CAMSAP1: variants seen among roughly 807,000 people sequenced by gnomAD.
CAMSAP1 encodes the protein calmodulin regulated spectrin associated protein 1, also known as calmodulin-regulated spectrin-associated protein 1.
Under a neutral mutation model 143.5 loss-of-function variants are expected in CAMSAP1, and 58 were observed. The observed-to-expected ratio is 0.40, with a 90% CI of 0.33 to 0.50. The LOEUF (loss-of-function observed/expected upper bound fraction) is 0.50, where lower values mean the gene tolerates loss of function less well. Among genes scored for constraint, CAMSAP1 ranks in the 20% least tolerant of loss-of-function variants. The pLI, the probability that CAMSAP1 is intolerant of heterozygous loss-of-function variation, is 0.45. For synonymous variants in CAMSAP1, 945 were observed against 859.3 expected (o/e 1.10, Z -1.74); for missense variants, 1,969 against 2,115.7 (o/e 0.93, Z 1.36).
intron 1 of CAMSAP1, among the ~76,000 whole-genome samples, chr9:135,894,005 C>A (rs1446537349): frequency 6.6e-6 from 1 of 152,162 alleles, no homozygotes; most frequent in Non-Finnish European, 1.5e-5. Flanking sequence ...GACCCCCCAC[C>A]CAACGGGAGG....
At position 135,822,714 on chromosome 9, in the gene CAMSAP1, A is replaced by G; in HGVS notation, c.1947T>C (p.Thr649=). 2.5e-6 allele frequency: 4 copies of G among 1,611,198 alleles called. No homozygotes were observed. Among genetic ancestry groups the G allele is most frequent in the Non-Finnish European group, 2.5e-6 (3 of 1,178,338 alleles). Residue 649 remains threonine, a synonymous_variant, in exon 11 of 17, where the codon ACT becomes ACC. Coordinates refer to ENST00000389532, the MANE Select transcript of CAMSAP1 (RefSeq NM_015447.4). This position sits in a 1 kb window ranked among gnomAD's most constrained non-coding sequence, Gnocchi z 6.1. ...KMTGSRDLNR[T]FTPIPCSEFP... Reference sequence around the variant, plus strand: ...ATTCTGAGCATGGAATCGGGGTAAAAGTCCTATTCAAGTCGCGACTGCCAG... The same window carrying G: ...ATTCTGAGCATGGAATCGGGGTAAAGGTCCTATTCAAGTCGCGACTGCCAG...
At position 135,837,960 on chromosome 9, in the gene CAMSAP1, C is replaced by A. The variant is rs572874137; in HGVS notation, c.1046-10376G>T. Among the ~76,000 whole-genome samples the A allele has an allele frequency of 1.7e-4, 25 of 148,906 alleles. 1 individual carries two copies. In the South Asian group the frequency reaches 5.4e-3, roughly 32 times the overall value. The stretch of plus-strand genomic sequence containing the variant: ...ACACACATCATCACACGCTTTCTAC[C>A]CCTTCTACAGACACACATCATCACA... On this transcript the variant is annotated intron_variant, in intron 7 of 16. Coordinates refer to ENST00000389532, the MANE Select transcript of CAMSAP1 (RefSeq NM_015447.4).
chr9:135,890,795 GGTCA>G (rs1838267456), intron 1 of CAMSAP1, among the ~76,000 whole-genome samples: 1 of 152,156 alleles, frequency 6.6e-6, no homozygotes, highest in Non-Finnish European at 1.5e-5. Flanking sequence ...CACATACAAT[GGTCA>G]GTTAAGCAAA....
rs148250832 is a variant in CAMSAP1, at chr9:135,823,953, G to T, written c.1397C>A (p.Thr466Asn). 154 of 1,519,498 alleles carry T rather than the reference G, an allele frequency of 1.0e-4. No homozygotes were observed. The African/African-American group carries it at 1.6e-3, about 16-fold the overall frequency. 94.1% of individuals were successfully genotyped at this position (1,519,498 alleles called of 1,614,324 possible). Residue 466 changes from threonine to asparagine, a missense_variant, in exon 10 of 17, where the codon ACC becomes AAC. Physicochemically the swap from Thr to Asn is moderately conservative, Grantham distance 65. Coordinates refer to ENST00000389532, the MANE Select transcript of CAMSAP1 (RefSeq NM_015447.4). ...CACTGCTGAAACACAGACTCACCTG[G>T]TTTTTTTTTCTGGCCAGGCTATTGC... is the stretch of plus-strand genomic sequence containing the variant. ...GAAIAWPEKK[T>N]RPASQPTPFA... is the part of the protein sequence containing the mutation.
rs1435427637 is a variant in CAMSAP1, at chr9:135,809,748, T to C, written c.*1561A>G. The C allele has an allele frequency of 2.0e-5, 3 of 152,600 alleles. No individual in the cohort carries two copies. The highest frequency in any genetic ancestry group is 4.4e-5 in the Non-Finnish European group (3 of 68,042). 9.5% of individuals were successfully genotyped at this position (152,600 alleles called of 1,614,324 possible). On this transcript the variant is annotated 3_prime_UTR_variant, in exon 17 of 17. Coordinates refer to ENST00000389532, the MANE Select transcript of CAMSAP1 (RefSeq NM_015447.4). ...CAGCACTTGAGAAATCATACAGCCT[T>C]TAGTTCCCTATTTACAGGACAGAGA...
chr9:135,862,433 T>A (rs1352027953), intron 5 of CAMSAP1, 34 bp downstream of exon 5: 1 of 1,548,958 alleles, frequency 6.5e-7, no homozygotes, highest in South Asian at 1.2e-5. Flanking sequence ...TTAAGCCTTT[T>A]CGGATCTGTT....
chr9:135,893,270 GAAAAGAAA>G (rs755411331), intron 1 of CAMSAP1, among the ~76,000 whole-genome samples: 4 of 120,530 alleles, frequency 3.3e-5, no homozygotes, highest in Non-Finnish European at 7.2e-5. Context: ...ATGAAAGAAA[GAAAAGAAA>G]AAAAGAAAAA....
chr9:135,875,073 T>G (rs946574768), intron 3 of CAMSAP1, among the ~76,000 whole-genome samples: 1 of 152,196 alleles, frequency 6.6e-6, no homozygotes, highest in Non-Finnish European at 1.5e-5. Flanking sequence ...GCAATACTAA[T>G]AACACATCAA....
At chr9:135,865,362 A>C (rs41298371) in intron 4 of CAMSAP1, 1 of 1,550,686 alleles carries the variant, frequency 6.4e-7, no homozygotes, top group Non-Finnish European at 8.7e-7. Context: ...ACTTGGAGGG[A>C]GACTGCTCAG....
intron 4 of CAMSAP1, among the ~76,000 whole-genome samples, chr9:135,863,472 G>A (rs1430058514): frequency 6.6e-6 from 1 of 152,102 alleles, no homozygotes; most frequent in African/African-American, 2.4e-5. Flanking sequence ...TCCACAGGAG[G>A]AAAATACACG....
intron 5 of CAMSAP1, among the ~76,000 whole-genome samples, chr9:135,854,506 C>T (rs1349741290): frequency 6.6e-6 from 1 of 151,050 alleles, no homozygotes; most frequent in Non-Finnish European, 1.5e-5. Flanking sequence ...CTCACTCTGT[C>T]ATCTGGAGTG....
Position 135,818,625 on chromosome 9 carries a change from AAC to A in CAMSAP1, c.3960-11_3960-10del, listed in dbSNP as rs768333074. 6.8e-6 allele frequency: 11 copies of A among 1,612,494 alleles called. No homozygotes were observed. Among genetic ancestry groups the A allele is most frequent in the African/African-American group, 5.3e-5 (4 of 75,028 alleles). ...CTTCCTCAGCTTTGCGCCTGAGAGA[AAC>A]ACACGCCCAGACACTGCTCGGTCAC... On this transcript the variant is annotated splice_polypyrimidine_tract_variant and intron_variant, in intron 12 of 16. Coordinates refer to ENST00000389532, the MANE Select transcript of CAMSAP1 (RefSeq NM_015447.4). The surrounding 1 kb of genome is among the most constrained non-coding windows in gnomAD (Gnocchi z 7.7).
chr9:135,899,737 C>G (rs1838561727), intron 1 of CAMSAP1, among the ~76,000 whole-genome samples: 1 of 152,148 alleles, frequency 6.6e-6, no homozygotes, highest in African/African-American at 2.4e-5. Context: ...CTCCACTTCC[C>G]CCTATTGTCT....
intron 3 of CAMSAP1, among the ~76,000 whole-genome samples, chr9:135,868,992 C>T (rs974402427): frequency 2.0e-5 from 3 of 152,084 alleles, no homozygotes; most frequent in African/African-American, 7.2e-5. Context: ...ATCTACATAA[C>T]TCAGTGAAAC....
intron 16 of CAMSAP1, among the ~76,000 whole-genome samples, chr9:135,812,781 C>G (rs903694615): frequency 1.1e-4 from 16 of 152,090 alleles, no homozygotes; most frequent in African/African-American, 3.9e-4. Context: ...CCAGCCTGGC[C>G]AATATGGTGA....
chr9:135,818,967 A>G lies in CAMSAP1; in HGVS notation c.3959+43T>C. 1 of 1,595,106 alleles carries G rather than the reference A, an allele frequency of 6.3e-7. No individual in the cohort carries two copies. ...GGACCGGGGCCGCCAGGGACCCACC[A>G]GGCTCCTGCTCAGTCTGCTTTCCCC... On this transcript the variant is annotated intron_variant, in intron 12 of 16. Coordinates refer to ENST00000389532, the MANE Select transcript of CAMSAP1 (RefSeq NM_015447.4). This position sits in a 1 kb window ranked among gnomAD's most constrained non-coding sequence, Gnocchi z 7.7.
Position 135,810,067 on chromosome 9 carries a change from C to T in CAMSAP1, c.*1242G>A, listed in dbSNP as rs72771922. The T allele has an allele frequency of 4.9e-3, 754 of 152,702 alleles. 6 individuals carry two copies. Among genetic ancestry groups the T allele is most frequent in the East Asian group, 0.02 (106 of 5,186 alleles). The allele number at this position is 152,702 out of a possible 1,614,324, so 9.5% of individuals were successfully genotyped here. A position where few individuals can be genotyped will look rare whatever the true frequency, so the allele number is the denominator to read the frequency against. On this transcript the variant is annotated 3_prime_UTR_variant, in exon 17 of 17. Transcript: ENST00000389532. ...TAATGTTAGTGGCTCCAGAATCTTCCGGCAGCTGGTCAGTTGCAGCAGTGT... is the reference window on the plus strand; with the variant it reads ...TAATGTTAGTGGCTCCAGAATCTTCTGGCAGCTGGTCAGTTGCAGCAGTGT...
At chr9:135,827,658 T>C in intron 7 of CAMSAP1, 74 bp from the exon 8 acceptor site, 1 of 1,347,654 alleles carries the variant, frequency 7.4e-7, no homozygotes. Flanking sequence ...CTGCAGCTTT[T>C]ATAAGCACTA....
At chr9:135,855,109 A>C (rs1420195464) in intron 5 of CAMSAP1, among the ~76,000 whole-genome samples, 1 of 151,914 alleles carries the variant, frequency 6.6e-6, no homozygotes, top group Admixed American at 6.6e-5. Context: ...TTCCTGCCTG[A>C]GCCTCCCGAG....
Sources: gnomAD v4.1 joint callset for allele counts (sites outside exome capture counted in the v4.1 genomes callset) on GRCh38, gnomAD v4.1.1 for gene constraint, Gnocchi (gnomAD v3.1) non-coding constraint, MANE v1.5 for transcripts, NCBI Gene and HGNC (gene_info 2026-07-23, HGNC 2026-07-21) for gene names.